Variants in BMPR1B observed in about 807,000 individuals in gnomAD.
BMPR1B encodes the protein bone morphogenetic protein receptor type-1B.
Under a neutral mutation model 59.1 loss-of-function variants are expected in BMPR1B, and 12 were observed. The observed-to-expected ratio is 0.20, with a 90% CI of 0.13 to 0.33. BMPR1B has a LOEUF of 0.33. Ranked by LOEUF, BMPR1B falls within the 10% of genes least tolerant of loss-of-function variation. The pLI, the probability that BMPR1B is intolerant of heterozygous loss-of-function variation, is 1.00. For missense variants in BMPR1B, 550 were observed against 610.9 expected (o/e 0.90, Z 1.05); for synonymous variants, 237 against 207.3 (o/e 1.14, Z -1.23).
chr4:95,156,335 A>G lies in BMPR1B; in HGVS notation c.*1662A>G, dbSNP rs1735419725. ...TCCTTGCTGTTTTTTTTTTTTTTTAAGACATTCCTCCCAGAATACTCCAGG... is the reference window on the plus strand; with the variant it reads ...TCCTTGCTGTTTTTTTTTTTTTTTAGGACATTCCTCCCAGAATACTCCAGG... On this transcript the variant is annotated 3_prime_UTR_variant, in exon 13 of 13. Coordinates refer to ENST00000515059, the MANE Select transcript of BMPR1B (RefSeq NM_001203.3). The G allele has an allele frequency of 6.7e-6, 1 of 148,538 alleles. No homozygotes were observed. The highest frequency in any genetic ancestry group is 1.5e-5 in the Non-Finnish European group (1 of 67,550). 9.2% of individuals were successfully genotyped at this position (148,538 alleles called of 1,614,324 possible). A position where few individuals can be genotyped will look rare whatever the true frequency, so the allele number is the denominator to read the frequency against.
At chr4:95,094,619 A>C (rs965994678) in intron 3 of BMPR1B, among the ~76,000 whole-genome samples, 1 of 152,146 alleles carries the variant, frequency 6.6e-6, no homozygotes, top group Admixed American at 6.6e-5. Context: ...GCAACCAGTG[A>C]GTACTGCTAC....
chr4:94,953,729 G>A (rs2149057845), intron 2 of BMPR1B, among the ~76,000 whole-genome samples: 1 of 152,090 alleles, frequency 6.6e-6, no homozygotes, highest in African/African-American at 2.4e-5. Context: ...TGACGATTAT[G>A]TGTCTTGGGG....
At chr4:95,125,177 A>G in intron 8 of BMPR1B, 56 bp downstream of exon 8, 3 of 1,602,472 alleles carry the variant, frequency 1.9e-6, no homozygotes, top group East Asian at 2.2e-5. Context: ...AGAACTGTCA[A>G]TGAATATGGG....
chr4:95,125,257 A>C, intron 8 of BMPR1B, 136 bp downstream of exon 8: 2 of 1,109,550 alleles, frequency 1.8e-6, no homozygotes, highest in Non-Finnish European at 2.7e-6. Flanking sequence ...ATCCGATCTC[A>C]GCTGCAGGGC....
chr4:95,121,061 G>A (rs573608560), intron 6 of BMPR1B, among the ~76,000 whole-genome samples: 1 of 152,258 alleles, frequency 6.6e-6, no homozygotes, highest in Admixed American at 6.5e-5. Context: ...GCCCACCTTG[G>A]CTTCCCAAAC....
intron 8 of BMPR1B, among the ~76,000 whole-genome samples, chr4:95,128,579 C>G (rs918861528): frequency 2.6e-5 from 4 of 152,088 alleles, no homozygotes; most frequent in African/African-American, 9.7e-5. Context: ...TTCTCTTTGT[C>G]TGTACTCCAC....
chr4:94,997,409 A>G (rs942332912), intron 3 of BMPR1B, among the ~76,000 whole-genome samples: 1 of 152,206 alleles, frequency 6.6e-6, no homozygotes, highest in African/African-American at 2.4e-5. Context: ...CTAAAACAAC[A>G]GGTAGAATAT....
At chr4:94,851,117 TAAG>T (rs1041935836) in intron 1 of BMPR1B, among the ~76,000 whole-genome samples, 5 of 152,194 alleles carry the variant, frequency 3.3e-5, no homozygotes, top group African/African-American at 9.7e-5. Context: ...AAAATGCTTA[TAAG>T]AATTATTTAG....
intron 3 of BMPR1B, among the ~76,000 whole-genome samples, chr4:95,020,672 C>T (rs1457358311): frequency 6.6e-6 from 1 of 151,342 alleles, no homozygotes; most frequent in Non-Finnish European, 1.5e-5. Flanking sequence ...GTGCCGTCTA[C>T]TGGTGAAACA....
chr4:94,777,195 CA>C (rs1185733271), intron 1 of BMPR1B, among the ~76,000 whole-genome samples: 6 of 152,026 alleles, frequency 3.9e-5, no homozygotes, highest in African/African-American at 1.4e-4. Flanking sequence ...ATTCTACCAG[CA>C]GAGTATCTAT....
chr4:95,060,296 A>C (rs1256402240), intron 3 of BMPR1B, among the ~76,000 whole-genome samples: 1 of 152,224 alleles, frequency 6.6e-6, no homozygotes, highest in Non-Finnish European at 1.5e-5. Context: ...TAGAACCTCT[A>C]ACCCCACTTT....
intron 1 of BMPR1B, among the ~76,000 whole-genome samples, chr4:94,837,537 T>G (rs368971758): frequency 7.0e-6 from 1 of 142,954 alleles, no homozygotes; most frequent in African/African-American, 2.6e-5. Flanking sequence ...ATGGGAGTTC[T>G]CTCATGATTT....
chr4:95,073,218 A>C (rs142013836), intron 3 of BMPR1B, among the ~76,000 whole-genome samples: 9 of 152,238 alleles, frequency 5.9e-5, no homozygotes, highest in Middle Eastern at 3.4e-3. Flanking sequence ...TTAGTAAGTT[A>C]ATATTTGACT....
At chr4:95,053,533 A>C (rs1253318350) in intron 3 of BMPR1B, among the ~76,000 whole-genome samples, 3 of 152,158 alleles carry the variant, frequency 2.0e-5, no homozygotes, top group Non-Finnish European at 4.4e-5. Flanking sequence ...TTAAATGAGT[A>C]AGTATACATA....
intron 3 of BMPR1B, among the ~76,000 whole-genome samples, chr4:95,082,138 C>A (rs1253953287): frequency 8.6e-6 from 1 of 115,878 alleles, no homozygotes; most frequent in Non-Finnish European, 1.7e-5. Context: ...CCCCCCTCCC[C>A]CCACCCCACA....
chr4:95,036,079 A>T (rs1725221480), intron 3 of BMPR1B, among the ~76,000 whole-genome samples: 1 of 151,980 alleles, frequency 6.6e-6, no homozygotes, highest in Admixed American at 6.6e-5. Flanking sequence ...TTTGATTCTC[A>T]GCTTGGTCAT....
At chr4:95,148,975 CTTTCTTT>C (rs1344338239) in intron 11 of BMPR1B, 52 bp downstream of exon 11, 17 of 1,599,522 alleles carry the variant, frequency 1.1e-5, no homozygotes, top group Non-Finnish European at 1.5e-5. Context: ...ACTATAAATC[CTTTCTTT>C]CTGATCAGAA....
At chr4:95,087,125 T>C (rs1317500137) in intron 3 of BMPR1B, among the ~76,000 whole-genome samples, 1 of 149,932 alleles carries the variant, frequency 6.7e-6, no homozygotes, top group Non-Finnish European at 1.5e-5. Flanking sequence ...GCCTCCAGGC[T>C]CAAGTGATTC....
chr4:95,127,110 T>A (rs902143623), intron 8 of BMPR1B, among the ~76,000 whole-genome samples: 8 of 149,904 alleles, frequency 5.3e-5, no homozygotes, highest in African/African-American at 2.0e-4. Flanking sequence ...ATAGTGATAA[T>A]TCTTTATAAC....
Sources: gnomAD v4.1 joint callset for allele counts (sites outside exome capture counted in the v4.1 genomes callset) on GRCh38, gnomAD v4.1.1 for gene constraint, MANE v1.5 for transcripts, NCBI Gene and HGNC (gene_info 2026-07-23, HGNC 2026-07-21) for gene names.